YWHAQ: variants seen among roughly 807,000 people sequenced by gnomAD.
YWHAQ encodes the protein 14-3-3 protein theta.
A neutral mutation model predicts 28.3 loss-of-function variants in YWHAQ; 6 were observed. The observed-to-expected ratio is 0.21, with a 90% CI of 0.12 to 0.42. The LOEUF is 0.42. Among genes scored for constraint, YWHAQ ranks in the 10% least tolerant of loss-of-function variants. YWHAQ has a pLI of 1.00. For missense variants in YWHAQ, 201 were observed against 305.6 expected (o/e 0.66, Z 2.55); for synonymous variants, 143 against 119.1 (o/e 1.20, Z -1.31).
intron 2 of YWHAQ, among the ~76,000 whole-genome samples, chr2:9,591,928 A>G (rs985975921): frequency 1.3e-5 from 2 of 152,220 alleles, no homozygotes; most frequent in African/African-American, 4.8e-5. Flanking sequence ...AAGAACTAAG[A>G]AAGATGTGAA....
At chr2:9,593,288 A>T (rs1268856453) in intron 2 of YWHAQ, among the ~76,000 whole-genome samples, 1 of 133,152 alleles carries the variant, frequency 7.5e-6, no homozygotes. Flanking sequence ...TGCCCAGGCT[A>T]GAGTGCAGTG....
chr2:9,606,511 G>T (rs1461770820), intron 2 of YWHAQ, among the ~76,000 whole-genome samples: 2 of 151,862 alleles, frequency 1.3e-5, no homozygotes, highest in Non-Finnish European at 2.9e-5. Context: ...ATAAATGCAG[G>T]TGAACATCTG....
intron 2 of YWHAQ, among the ~76,000 whole-genome samples, chr2:9,629,430 A>ATCG (rs1332347385): frequency 6.6e-6 from 1 of 152,326 alleles, no homozygotes; most frequent in East Asian, 1.9e-4. Context: ...CCACCCAACA[A>ATCG]TCGTCCTTGC....
intron 2 of YWHAQ, among the ~76,000 whole-genome samples, chr2:9,597,645 AAAAAAAAAGAAAAAG>A (rs1666599994): frequency 6.6e-6 from 1 of 151,240 alleles, no homozygotes. Flanking sequence ...AAAAAAAAAA[AAAAAAAAAGAAAAAG>A]AAAAAAAAAT....
At chr2:9,610,244 T>C (rs1236667027) in intron 2 of YWHAQ, among the ~76,000 whole-genome samples, 1 of 152,230 alleles carries the variant, frequency 6.6e-6, no homozygotes, top group Non-Finnish European at 1.5e-5. Context: ...TCCATTTCAC[T>C]GGTATGATTT....
chr2:9,596,056 A>G (rs943911658), intron 2 of YWHAQ, among the ~76,000 whole-genome samples: 2 of 152,254 alleles, frequency 1.3e-5, no homozygotes, highest in African/African-American at 4.8e-5. Flanking sequence ...AGGTTGCTTT[A>G]GGAAATGCTA....
chr2:9,629,475 C>T (rs1667311347), intron 2 of YWHAQ, among the ~76,000 whole-genome samples: 1 of 152,194 alleles, frequency 6.6e-6, no homozygotes, highest in Non-Finnish European at 1.5e-5. Flanking sequence ...GAAAGCTTTC[C>T]TTGTCTGCTC....
At chr2:9,603,608 G>C (rs967495999) in intron 2 of YWHAQ, among the ~76,000 whole-genome samples, 7 of 151,156 alleles carry the variant, frequency 4.6e-5, no homozygotes, top group Non-Finnish European at 8.8e-5. Context: ...TGCATTCCTG[G>C]TTAATTCTGT....
At chr2:9,605,564 T>C (rs2125067870) in intron 2 of YWHAQ, among the ~76,000 whole-genome samples, 1 of 152,294 alleles carries the variant, frequency 6.6e-6, no homozygotes, top group East Asian at 1.9e-4. Flanking sequence ...TTTTTGTTGT[T>C]GTTGTTTTGT....
At chr2:9,625,361 A>G (rs1667230341) in intron 2 of YWHAQ, among the ~76,000 whole-genome samples, 1 of 152,138 alleles carries the variant, frequency 6.6e-6, no homozygotes, top group Non-Finnish European at 1.5e-5. Context: ...AAATCTTATT[A>G]CACTATTGTG....
At chr2:9,593,976 A>AACAC (rs371022884) in intron 2 of YWHAQ, among the ~76,000 whole-genome samples, 1,982 of 145,826 alleles carry the variant, frequency 0.014, 23 homozygotes, top group African/African-American at 0.032. Flanking sequence ...AGGAAGTTAA[A>AACAC]ACACACACAC....
At chr2:9,621,051 T>C (rs1667132702) in intron 2 of YWHAQ, among the ~76,000 whole-genome samples, 2 of 152,200 alleles carry the variant, frequency 1.3e-5, no homozygotes, top group South Asian at 2.1e-4. Flanking sequence ...TTGCTTTTTT[T>C]CCACTGTCAT....
chr2:9,588,266 G>T lies in YWHAQ; in HGVS notation c.481C>A (p.Gln161Lys). The T allele has an allele frequency of 6.2e-7, 1 of 1,609,670 alleles. No individual in the cohort carries two copies. The highest frequency in any genetic ancestry group is 8.5e-7 in the Non-Finnish European group (1 of 1,178,984). ...EAFDISKKEM[Q>K]PTHPIRLGLA... is the part of the protein sequence containing the mutation. The stretch of plus-strand genomic sequence containing the variant: ...CCCAGGCGGATTGGGTGTGTGGGTT[G>T]CATCTCTTTCTTGCTTATATCAAAT... The change falls in exon 4 of 6, where the codon CAA (glutamine) becomes AAA (lysine). Residue 161 changes from glutamine (Q) to lysine (K), a missense_variant. By Grantham distance (53) the Gln-to-Lys change is moderately conservative. This residue lies in a region of YWHAQ where 162 missense variants were observed against 213.9 expected (regional missense o/e 0.76). Transcript: ENST00000238081.
intron 2 of YWHAQ, among the ~76,000 whole-genome samples, chr2:9,623,539 C>T (rs374304734): frequency 3.9e-5 from 6 of 152,078 alleles, no homozygotes; most frequent in African/African-American, 4.8e-5. Flanking sequence ...TTTGGGAAGC[C>T]GAGGCGGGAG....
intron 2 of YWHAQ, among the ~76,000 whole-genome samples, chr2:9,615,928 C>A (rs1256023360): frequency 6.6e-6 from 1 of 152,032 alleles, no homozygotes; most frequent in Non-Finnish European, 1.5e-5. Flanking sequence ...TCTTATCTAC[C>A]CATAACTGCA....
intron 2 of YWHAQ, among the ~76,000 whole-genome samples, chr2:9,609,852 A>C (rs1446160495): frequency 6.6e-6 from 1 of 152,222 alleles, no homozygotes; most frequent in African/African-American, 2.4e-5. Context: ...GTTCCCACTC[A>C]CAGATCATTA....
intron 2 of YWHAQ, among the ~76,000 whole-genome samples, chr2:9,613,946 G>T (rs1017907430): frequency 6.6e-5 from 10 of 152,242 alleles, no homozygotes; most frequent in African/African-American, 2.4e-4. Context: ...AGGCAATAAA[G>T]TAAGGGTATG....
intron 3 of YWHAQ, among the ~76,000 whole-genome samples, chr2:9,590,297 G>A (rs1487168904): frequency 2.6e-5 from 4 of 152,152 alleles, no homozygotes; most frequent in East Asian, 1.9e-4. Flanking sequence ...CATGGCAACA[G>A]AAATTACACA....
At position 9,610,643 on chromosome 2, in the gene YWHAQ, G is replaced by T. The variant is rs570779907; in HGVS notation, c.295-19128C>A. ...CCTGCCTCAGCTTTCCAAGTAGCTGGGATTACAGGCATGCGCCACCATGCC... is the reference window on the plus strand; with the variant it reads ...CCTGCCTCAGCTTTCCAAGTAGCTGTGATTACAGGCATGCGCCACCATGCC... On this transcript the variant is annotated intron_variant, in intron 2 of 5. Coordinates refer to ENST00000238081, the MANE Select transcript of YWHAQ (RefSeq NM_006826.4). Among the ~76,000 whole-genome samples, 14 of 152,166 alleles carry T rather than the reference G, an allele frequency of 9.2e-5. No homozygotes were observed. In the South Asian group the frequency reaches 2.5e-3, roughly 27 times the overall value.
Sources: allele counts gnomAD v4.1 joint callset (sites outside exome capture counted in the v4.1 genomes callset), GRCh38; gene constraint gnomAD v4.1.1; regional missense constraint gnomAD v4.1.1; transcripts MANE v1.5; gene names NCBI Gene and HGNC (gene_info 2026-07-23, HGNC 2026-07-21).